The following SPTAN1 variants were observed in gnomAD, a reference collection of about 807,000 sequenced individuals.
SPTAN1 encodes the protein spectrin alpha chain, non-erythrocytic 1.
Under a neutral mutation model 331.3 loss-of-function variants are expected in SPTAN1, and 61 were observed. The observed-to-expected ratio is 0.18, with a 90% CI of 0.15 to 0.23. The LOEUF (loss-of-function observed/expected upper bound fraction) is 0.23, where lower values mean the gene tolerates loss of function less well. Ranked by LOEUF, SPTAN1 falls within the 10% of genes least tolerant of loss-of-function variation. SPTAN1 has a pLI of 1.00. For missense variants in SPTAN1, 2,043 were observed against 3,147.9 expected (o/e 0.65, Z 8.40); for synonymous variants, 1,153 against 1,173.9 (o/e 0.98, Z 0.36).
intron 40 of SPTAN1, among the ~76,000 whole-genome samples, chr9:128,613,930 A>C (rs1051242517): frequency 6.6e-6 from 1 of 151,902 alleles, no homozygotes; most frequent in Non-Finnish European, 1.5e-5. Flanking sequence ...ACTTGAGCCC[A>C]GGAGGCGGAG....
chr9:128,602,256 G>A (rs1487837527), intron 27 of SPTAN1, among the ~76,000 whole-genome samples: 2 of 139,468 alleles, frequency 1.4e-5, no homozygotes, highest in South Asian at 4.4e-4. Flanking sequence ...TTGCTCTTTC[G>A]CCCAGGCTGG....
intron 18 of SPTAN1, 42 bp from the exon 19 acceptor site, chr9:128,585,706 C>A: frequency 6.6e-7 from 1 of 1,515,724 alleles, no homozygotes; most frequent in Non-Finnish European, 9.2e-7. Flanking sequence ...TGTGATGTGT[C>A]AACGTAGTTT....
chr9:128,586,932 C>G (rs1852726965), intron 19 of SPTAN1, among the ~76,000 whole-genome samples: 1 of 152,018 alleles, frequency 6.6e-6, no homozygotes, highest in Non-Finnish European at 1.5e-5. Flanking sequence ...ATTCTTCTGC[C>G]TTGGCCTCCT....
intron 48 of SPTAN1, 39 bp downstream of exon 48, chr9:128,626,017 C>T: frequency 6.2e-7 from 1 of 1,609,090 alleles, no homozygotes; most frequent in Non-Finnish European, 8.5e-7. Context: ...TGGCCCACAG[C>T]TCAAGGAAGG....
intron 26 of SPTAN1, 77 bp from the exon 27 acceptor site, chr9:128,600,003 G>A: frequency 6.8e-7 from 1 of 1,468,260 alleles, no homozygotes; most frequent in Non-Finnish European, 9.5e-7. Context: ...GGAAACTAGA[G>A]TCATTCGCTG....
At chr9:128,574,617 A>G in intron 3 of SPTAN1, 58 bp from the exon 4 acceptor site, 1 of 1,607,114 alleles carries the variant, frequency 6.2e-7, no homozygotes, top group Non-Finnish European at 8.5e-7. Context: ...TCTATGGAAG[A>G]GCCAGATCCC....
chr9:128,606,203 C>G (rs1224504593), intron 31 of SPTAN1, among the ~76,000 whole-genome samples: 3 of 150,970 alleles, frequency 2.0e-5, no homozygotes, highest in Non-Finnish European at 4.4e-5. Context: ...AACCCCATCT[C>G]TACTAAAAAT....
chr9:128,576,788 G>T (rs1329046228), intron 5 of SPTAN1, 35 bp from the exon 6 acceptor site: 1 of 1,611,834 alleles, frequency 6.2e-7, no homozygotes, highest in South Asian at 1.1e-5. Flanking sequence ...GCCAGAAGTT[G>T]TGTACAAATC....
chr9:128,595,328 T>C (rs1002599242), intron 24 of SPTAN1, among the ~76,000 whole-genome samples: 2 of 152,316 alleles, frequency 1.3e-5, no homozygotes, highest in East Asian at 3.9e-4. Flanking sequence ...CAGCCTGGTC[T>C]TGAACTCCTG....
At chr9:128,614,279 ACT>A (rs990605672) in intron 40 of SPTAN1, among the ~76,000 whole-genome samples, 1 of 151,798 alleles carries the variant, frequency 6.6e-6, no homozygotes, top group Non-Finnish European at 1.5e-5. Context: ...ACATGATGAG[ACT>A]CTGTCTGTAC....
intron 4 of SPTAN1, 131 bp from the exon 5 acceptor site, chr9:128,575,068 A>T: frequency 7.1e-7 from 1 of 1,402,456 alleles, no homozygotes; most frequent in Non-Finnish European, 1.0e-6. Flanking sequence ...CTAAAATCAC[A>T]AACCACAGAC....
intron 39 of SPTAN1, among the ~76,000 whole-genome samples, 184 bp from the exon 40 acceptor site, chr9:128,613,197 G>A (rs1856764013): frequency 6.6e-6 from 1 of 152,186 alleles, no homozygotes; most frequent in Admixed American, 6.5e-5. Flanking sequence ...CTGACCGAGT[G>A]GAGAGAGTGT....
At chr9:128,581,212 T>A (rs1170863841) in intron 11 of SPTAN1, among the ~76,000 whole-genome samples, 153 bp downstream of exon 11, 2 of 152,250 alleles carry the variant, frequency 1.3e-5, no homozygotes, top group Non-Finnish European at 2.9e-5. Context: ...CTCTCAGCTC[T>A]GCCAGCATCT....
At chr9:128,618,161 A>C in intron 43 of SPTAN1, 53 bp downstream of exon 43, 1 of 1,609,926 alleles carries the variant, frequency 6.2e-7, no homozygotes, top group Non-Finnish European at 8.5e-7. Flanking sequence ...CCAGCACCCA[A>C]GGGCAGACTC....
intron 13 of SPTAN1, 41 bp from the exon 14 acceptor site, chr9:128,582,653 G>A: frequency 6.2e-7 from 1 of 1,611,358 alleles, no homozygotes. Context: ...ATCCCTTTGG[G>A]AGTGAACACT....
At chr9:128,596,748 G>T (rs1361779263) in intron 24 of SPTAN1, 1 of 152,426 alleles carries the variant, frequency 6.6e-6, no homozygotes, top group Non-Finnish European at 1.5e-5. Context: ...GTAGAGGGCA[G>T]TGGATGATCA....
chr9:128,632,506 C>T, intron 54 of SPTAN1, 22 bp downstream of exon 54: 1 of 1,614,188 alleles, frequency 6.2e-7, no homozygotes, highest in Non-Finnish European at 8.5e-7. Flanking sequence ...CTTACTCGCC[C>T]TGGCTGGGTG....
chr9:128,604,447 G>A (rs372851633), intron 29 of SPTAN1, 30 bp downstream of exon 29: 350 of 1,597,496 alleles, frequency 2.2e-4, no homozygotes, highest in South Asian at 5.3e-4. Context: ...CTGGGAGAGG[G>A]AGAAACAGGT....
chr9:128,620,184 T>G (rs1857664515), intron 44 of SPTAN1, among the ~76,000 whole-genome samples: 1 of 152,214 alleles, frequency 6.6e-6, no homozygotes, highest in Admixed American at 6.5e-5. Flanking sequence ...AAGGAGATGC[T>G]GCAAAGTATC....
Sources: allele counts gnomAD v4.1 joint callset (sites outside exome capture counted in the v4.1 genomes callset), GRCh38; gene constraint gnomAD v4.1.1; transcripts MANE v1.5; gene names NCBI Gene and HGNC (gene_info 2026-07-23, HGNC 2026-07-21).